Variants in TCF7 observed in about 807,000 individuals in gnomAD.
TCF7 encodes transcription factor 7, also known as T-cell-factor-7.
TCF7 carries 19 observed loss-of-function variants against 46.8 expected under a neutral mutation model. That is an observed-to-expected ratio of 0.41 (90% confidence interval 0.28 to 0.60). The LOEUF is 0.60. Among genes scored for constraint, TCF7 ranks in the 20% least tolerant of loss-of-function variants. The pLI is 0.35. For missense variants in TCF7, 547 were observed against 504.6 expected, an observed-to-expected ratio of 1.08 and a Z score of -0.81; for synonymous variants, 245 against 213.4, an observed-to-expected ratio of 1.15 and a Z score of -1.29.
chr5:134,115,780 G>A, intron 2 of TCF7, 129 bp from the exon 3 acceptor site: 1 of 1,520,964 alleles, frequency 6.6e-7, no homozygotes, highest in South Asian at 1.3e-5. Flanking sequence ...GATACTCCCA[G>A]CCCGTTCCTT....
chr5:134,117,258 CTG>C (rs1021290920), intron 3 of TCF7, among the ~76,000 whole-genome samples: 50 of 152,226 alleles, frequency 3.3e-4, no homozygotes, highest in African/African-American at 1.2e-3. Context: ...CCTTCCAAGT[CTG>C]TGAGATGGGG....
At chr5:134,112,046 C>T (rs1311281435), upstream of TCF7, among the ~76,000 whole-genome samples, 1 of 149,016 alleles carries the variant, frequency 6.7e-6, no homozygotes, top group Non-Finnish European at 1.5e-5. Flanking sequence ...GTTGTGTAGA[C>T]GATGGTGAAG....
At chr5:134,132,558 A>C (rs751744408) in intron 3 of TCF7, among the ~76,000 whole-genome samples, 2 of 152,166 alleles carry the variant, frequency 1.3e-5, no homozygotes, top group Non-Finnish European at 2.9e-5. Context: ...CTTCGCTGGG[A>C]AAGTGTTGTG....
chr5:134,146,805 A>G lies in TCF7; in HGVS notation c.*502A>G, dbSNP rs973984450. The G allele has an allele frequency of 1.7e-5, 8 of 470,378 alleles. No homozygotes were observed. The highest frequency in any genetic ancestry group is 1.1e-5 in the Non-Finnish European group (3 of 265,274). 29.1% of individuals were successfully genotyped at this position (470,378 alleles called of 1,614,324 possible). ...TGTACCATCTGTCTTGCCAGCCAGA[A>G]GCCTCTGCCTCCCTAGCTTTTCTGC... is the stretch of plus-strand genomic sequence containing the variant. On this transcript the variant is annotated 3_prime_UTR_variant, in exon 10 of 10. Coordinates refer to ENST00000342854, the MANE Select transcript of TCF7 (RefSeq NM_003202.5).
At chr5:134,125,908 C>T (rs1193644043) in intron 3 of TCF7, among the ~76,000 whole-genome samples, 2 of 152,232 alleles carry the variant, frequency 1.3e-5, no homozygotes, top group African/African-American at 4.8e-5. Flanking sequence ...TGGGTTCCCT[C>T]TCCTTATGGT....
At chr5:134,123,713 G>A (rs1202497330) in intron 3 of TCF7, 1 of 456,212 alleles carries the variant, frequency 2.2e-6, no homozygotes, top group Non-Finnish European at 4.4e-6. Context: ...TGGTTCCAGA[G>A]CCTGGGAGAA....
intron 2 of TCF7, 30 bp downstream of exon 2, chr5:134,115,417 C>T (rs759062838): frequency 4.4e-6 from 7 of 1,578,562 alleles, no homozygotes; most frequent in South Asian, 1.2e-5. Flanking sequence ...GGCTTCCCTT[C>T]GTCGCGCTCA....
At chr5:134,126,774 G>C (rs1757404052) in intron 3 of TCF7, among the ~76,000 whole-genome samples, 1 of 152,128 alleles carries the variant, frequency 6.6e-6, no homozygotes, top group African/African-American at 2.4e-5. Flanking sequence ...GCACACGCCT[G>C]TAATCCCAGC....
At chr5:134,142,511 C>CTA (rs1759983584) in intron 6 of TCF7, among the ~76,000 whole-genome samples, 1 of 152,158 alleles carries the variant, frequency 6.6e-6, no homozygotes, top group Non-Finnish European at 1.5e-5. Context: ...AAGTCCTTAA[C>CTA]ACATGCTTTT....
intron 9 of TCF7, chr5:134,145,923 CTGGGAGATGACTCCCTTGGAAGACA>C: frequency 6.6e-7 from 1 of 1,513,068 alleles, no homozygotes; most frequent in Non-Finnish European, 8.8e-7. Flanking sequence ...AAGGCCGGGA[CTGGGAGATGACTCCCTTGGAAGACA>C]GGAGAGATGA....
At chr5:134,145,778 A>T (rs1324605409) in intron 9 of TCF7, 1 of 1,613,842 alleles carries the variant, frequency 6.2e-7, no homozygotes, top group Non-Finnish European at 8.5e-7. Context: ...ATGGTAATGG[A>T]CAAGAGTCAC....
chr5:134,114,942 C>T lies in TCF7; in HGVS notation c.36C>T (p.Gly12=), dbSNP rs1755594066. 9.0e-7 allele frequency: 1 copy of T among 1,110,946 alleles called. No homozygotes were observed. Among genetic ancestry groups the T allele is most frequent in the South Asian group, 2.3e-5 (1 of 44,218 alleles). 68.8% of individuals were successfully genotyped at this position (1,110,946 alleles called of 1,614,324 possible). A position where few individuals can be genotyped will look rare whatever the true frequency, so the allele number is the denominator to read the frequency against. ...PQLDSGGGGA[G]GGDDLGAPDE... ...TGGACTCCGGCGGGGGCGGCGCGGG[C>T]GGCGGCGACGACCTCGGCGCGCCGG... Residue 12 remains glycine, a synonymous_variant, in exon 1 of 10, where the codon GGC becomes GGT. Coordinates refer to ENST00000342854, the MANE Select transcript of TCF7 (RefSeq NM_003202.5).
intron 5 of TCF7, 48 bp from the exon 6 acceptor site, chr5:134,142,137 T>A (rs777527004): frequency 6.2e-7 from 1 of 1,612,946 alleles, no homozygotes; most frequent in South Asian, 1.1e-5. Flanking sequence ...TGTCCAAAGG[T>A]CTGGCCCATA....
intron 5 of TCF7, chr5:134,141,949 C>T (rs535126821): frequency 4.5e-5 from 20 of 440,580 alleles, no homozygotes; most frequent in African/African-American, 4.0e-4. Context: ...CTACTTGGGA[C>T]CTATGTAGTA....
chr5:134,145,110 G>A, intron 9 of TCF7: 1 of 644,594 alleles, frequency 1.6e-6, no homozygotes, highest in Non-Finnish European at 2.9e-6. Flanking sequence ...CAGAAAGGAA[G>A]GACAGACTCA....
chr5:134,121,965 G>C (rs1756656167), intron 3 of TCF7, among the ~76,000 whole-genome samples: 1 of 152,186 alleles, frequency 6.6e-6, no homozygotes, highest in South Asian at 2.1e-4. Flanking sequence ...TGCCTTTGTT[G>C]CTCTGCATTG....
In TCF7 at chr5:134,116,018, GCCGCAGCCCCCGCTGGTAAGTGGACC is replaced by G. The variant is rs1755781650; in HGVS notation, c.435_441+19del. 6.2e-7 allele frequency: 1 copy of G among 1,612,788 alleles called. No individual in the cohort carries two copies. Among genetic ancestry groups the G allele is most frequent in the Admixed American group, 1.7e-5 (1 of 59,928 alleles). The stretch of plus-strand genomic sequence containing the variant: ...CCTCGGGAGCAGGGCAGCACCCCCA[GCCGCAGCCCCCGCTGGTAAGTGGACC>G]CCGCAGCCAGTGCCGCCCTGTGCTT... On this transcript the variant is annotated splice_donor_variant and splice_donor_5th_base_variant and coding_sequence_variant and intron_variant, in exon 3 of 10. Coordinates refer to ENST00000342854, the MANE Select transcript of TCF7 (RefSeq NM_003202.5). LOFTEE classifies it high-confidence loss of function.
At chr5:134,121,082 G>A (rs907076230) in intron 3 of TCF7, among the ~76,000 whole-genome samples, 17 of 152,226 alleles carry the variant, frequency 1.1e-4, no homozygotes, top group Non-Finnish European at 1.8e-4. Context: ...TGTACAGGCC[G>A]CCTACTTACT....
intron 3 of TCF7, among the ~76,000 whole-genome samples, chr5:134,126,799 A>C (rs1757406804): frequency 6.6e-6 from 1 of 152,050 alleles, no homozygotes; most frequent in African/African-American, 2.4e-5. Context: ...CAGGAGGCTG[A>C]GGCAGGAGAA....
Sources: allele counts gnomAD v4.1 joint callset (sites outside exome capture counted in the v4.1 genomes callset), GRCh38; gene constraint gnomAD v4.1.1; transcripts MANE v1.5; gene names NCBI Gene and HGNC (gene_info 2026-07-23, HGNC 2026-07-21).